The following BNC2 variants were observed in gnomAD, a reference collection of about 807,000 sequenced individuals.
The protein encoded by BNC2 is basonuclin zinc finger protein 2.
A neutral mutation model predicts 76.3 loss-of-function variants in BNC2; 20 were observed. That is an observed-to-expected ratio of 0.26 (90% confidence interval 0.18 to 0.38). The LOEUF is 0.38. BNC2 is among the 10% of genes least tolerant of loss of function. The probability of loss-of-function intolerance (pLI) is 1.00; values close to 1 mark genes in which losing one functional copy is unlikely to be tolerated. For synonymous variants in BNC2, 582 were observed against 514.8 expected, an observed-to-expected ratio of 1.13 and a Z score of -1.77; for missense variants, 1,382 against 1,399.8, an observed-to-expected ratio of 0.99 and a Z score of 0.20.
At chr9:16,654,096 G>A (rs1172642059) in intron 3 of BNC2, among the ~76,000 whole-genome samples, 2 of 152,172 alleles carry the variant, frequency 1.3e-5, no homozygotes, top group African/African-American at 4.8e-5. Context: ...GAGGGACAAA[G>A]TGCAGGCAAG....
chr9:16,605,763 G>C (rs1395667087), intron 3 of BNC2, among the ~76,000 whole-genome samples: 1 of 149,440 alleles, frequency 6.7e-6, no homozygotes. Context: ...AACTAATAAA[G>C]AGTCCAACCT....
rs533742456 is a variant in BNC2 at position 16,702,963 on chromosome 9, C to T, written c.330+24834G>A. Among the ~76,000 whole-genome samples, 6 of 152,294 alleles carry T rather than the reference C, an allele frequency of 3.9e-5. No homozygotes were observed. In the South Asian group the frequency reaches 1.2e-3, roughly 32 times the overall value. ...AAGTTTCCAAAGCCAAACAAGTGTG[C>T]CTGGCACAATGGGAACAGGAAAACA... On this transcript the variant is annotated intron_variant, in intron 3 of 6. Transcript: ENST00000380672.
Position 16,414,096 on chromosome 9 carries a change from G to A in BNC2, c.*4893C>T, listed in dbSNP as rs1161952702. ...AGCAACCAAAACCCCACAATTGTCG[G>A]CTCTTCCTGACCCCAAAGGAACTTC... On this transcript the variant is annotated 3_prime_UTR_variant, in exon 7 of 7. Transcript: ENST00000380672. 6.6e-6 allele frequency: 1 copy of A among 152,104 alleles called. No homozygotes were observed. The highest frequency in any genetic ancestry group is 2.4e-5 in the African/African-American group (1 of 41,392). 9.4% of individuals were successfully genotyped at this position (152,104 alleles called of 1,614,324 possible).
intron 5 of BNC2, among the ~76,000 whole-genome samples, chr9:16,469,515 T>G (rs1821774019): frequency 6.6e-6 from 1 of 152,214 alleles, no homozygotes; most frequent in South Asian, 2.1e-4. Flanking sequence ...TAAGTCCAAT[T>G]AAACCTCTTT....
At chr9:16,510,304 T>G (rs749997893) in intron 5 of BNC2, among the ~76,000 whole-genome samples, 3 of 152,210 alleles carry the variant, frequency 2.0e-5, no homozygotes, top group Non-Finnish European at 4.4e-5. Flanking sequence ...TCCTTTCTGC[T>G]GAGTTGCTGA....
At chr9:16,562,646 A>G (rs928245868) in intron 4 of BNC2, among the ~76,000 whole-genome samples, 2 of 152,224 alleles carry the variant, frequency 1.3e-5, no homozygotes, top group Non-Finnish European at 2.9e-5. Context: ...AAAGCACTTA[A>G]TTTTTAGCAA....
intron 1 of BNC2, among the ~76,000 whole-genome samples, chr9:16,768,788 C>A (rs941261385): frequency 6.6e-6 from 1 of 152,114 alleles, no homozygotes; most frequent in Non-Finnish European, 1.5e-5. Flanking sequence ...CTTAAAAAGA[C>A]AATTTATCAA....
At chr9:16,682,229 C>A (rs1421043778) in intron 3 of BNC2, among the ~76,000 whole-genome samples, 1 of 149,564 alleles carries the variant, frequency 6.7e-6, no homozygotes, top group Non-Finnish European at 1.5e-5. Flanking sequence ...ACATGACCAG[C>A]TTTGCCCCAG....
chr9:16,759,370 A>T (rs1006696982), intron 1 of BNC2, among the ~76,000 whole-genome samples: 1 of 152,208 alleles, frequency 6.6e-6, no homozygotes, highest in Admixed American at 6.5e-5. Flanking sequence ...ACTTTAATGG[A>T]AAGTATGGTA....
intron 1 of BNC2, among the ~76,000 whole-genome samples, chr9:16,764,094 C>G (rs1825626629): frequency 6.6e-6 from 1 of 152,186 alleles, no homozygotes. Context: ...TCTCTCTTTC[C>G]CACCCACACA....
chr9:16,813,317 G>C (rs1043917709), intron 1 of BNC2, among the ~76,000 whole-genome samples: 3 of 151,384 alleles, frequency 2.0e-5, no homozygotes, highest in African/African-American at 2.4e-5. Context: ...CCAGGCTGGA[G>C]TGCAGTGGTG....
intron 4 of BNC2, among the ~76,000 whole-genome samples, chr9:16,572,088 G>A (rs568643006): frequency 6.6e-6 from 1 of 152,198 alleles, no homozygotes; most frequent in East Asian, 1.9e-4. Context: ...GGTGGGTAAT[G>A]TCTTACCCTC....
At chr9:16,701,197 G>A (rs879879822) in intron 3 of BNC2, among the ~76,000 whole-genome samples, 2 of 152,140 alleles carry the variant, frequency 1.3e-5, no homozygotes, top group East Asian at 1.9e-4. Context: ...ATTTTTATCA[G>A]TTCTACATAC....
At chr9:16,646,787 A>G (rs545194395) in intron 3 of BNC2, among the ~76,000 whole-genome samples, 40 of 152,166 alleles carry the variant, frequency 2.6e-4, no homozygotes, top group Non-Finnish European at 7.3e-5. Context: ...AAAAAATCCT[A>G]AATTTCTAAA....
intron 3 of BNC2, among the ~76,000 whole-genome samples, chr9:16,618,398 C>T (rs80291694): frequency 0.014 from 2,072 of 152,204 alleles, 40 homozygotes; most frequent in African/African-American, 0.046. Flanking sequence ...TTCTCATTAC[C>T]AGAATCTGTT....
At chr9:16,517,495 G>C (rs955667156) in intron 5 of BNC2, among the ~76,000 whole-genome samples, 1 of 152,080 alleles carries the variant, frequency 6.6e-6, no homozygotes, top group African/African-American at 2.4e-5. Flanking sequence ...AAACAGTATT[G>C]CTTGCCAGAA....
chr9:16,436,992 C>A lies in BNC2; in HGVS notation c.1202G>T (p.Cys401Phe). 2 of 1,614,110 alleles carry A rather than the reference C, an allele frequency of 1.2e-6. No homozygotes were observed. Among genetic ancestry groups the A allele is most frequent in the Non-Finnish European group, 1.7e-6 (2 of 1,180,024 alleles). ...GGCAGAATTCTGAATGGGAGAGACA[C>A]AGGCTGGCTCGGTTTTGGGCTCCAC... The part of the protein sequence containing the change: ...TNVEPKTEPA[C>F]VSPIQNSAPV... Residue 401 changes from cysteine to phenylalanine, a missense_variant, in exon 6 of 7, where the codon TGT becomes TTT. Around this residue, in one of 3 missense-constraint regions of BNC2, gnomAD observed 557 missense variants for 540.9 expected, o/e 1.03. Transcript: ENST00000380672.
chr9:16,488,715 G>A (rs1321036139), intron 5 of BNC2, among the ~76,000 whole-genome samples: 2 of 152,022 alleles, frequency 1.3e-5, no homozygotes, highest in South Asian at 2.1e-4. Flanking sequence ...TCTTAATCCC[G>A]ATCATTCAGT....
At chr9:16,430,475 A>G (rs889571707) in intron 6 of BNC2, among the ~76,000 whole-genome samples, 1 of 152,188 alleles carries the variant, frequency 6.6e-6, no homozygotes, top group Admixed American at 6.5e-5. Context: ...TTTACTGAAA[A>G]GCCCTCCCTA....
Sources: allele counts gnomAD v4.1 joint callset (sites outside exome capture counted in the v4.1 genomes callset), GRCh38; gene constraint gnomAD v4.1.1; regional missense constraint gnomAD v4.1.1; transcripts MANE v1.5; gene names NCBI Gene and HGNC (gene_info 2026-07-23, HGNC 2026-07-21).